NLGN1: variants seen among roughly 807,000 people sequenced by gnomAD.
NLGN1 encodes the protein neuroligin 1, also known as neuroligin-1.
NLGN1 carries 12 observed loss-of-function variants against 65.5 expected under a neutral mutation model. The ratio of observed to expected loss-of-function variants is 0.18; its 90% CI spans 0.12 to 0.30. The LOEUF (loss-of-function observed/expected upper bound fraction) is 0.30. NLGN1 is among the 10% of genes least tolerant of loss of function. NLGN1 has a pLI of 1.00. For synonymous variants in NLGN1, 350 were observed against 359.5 expected (o/e 0.97, Z 0.30); for missense variants, 750 against 1,007.1 (o/e 0.74, Z 3.46).
intron 4 of NLGN1, among the ~76,000 whole-genome samples, chr3:174,117,076 A>G (rs1309785063): frequency 1.3e-5 from 2 of 152,190 alleles, no homozygotes; most frequent in African/African-American, 4.8e-5. Flanking sequence ...GCACACTAAA[A>G]GTAAAAAAGG....
intron 4 of NLGN1, among the ~76,000 whole-genome samples, chr3:173,996,282 T>A (rs763810786): frequency 7.2e-5 from 11 of 152,174 alleles, no homozygotes; most frequent in Admixed American, 5.9e-4. Context: ...GTATATATAG[T>A]GCAAGGACAT....
chr3:173,420,577 C>T (rs971494529), intron 1 of NLGN1, among the ~76,000 whole-genome samples: 4 of 152,230 alleles, frequency 2.6e-5, no homozygotes, highest in Admixed American at 1.3e-4. Context: ...ATTTTATAAT[C>T]CTCTGGGTAT....
downstream of NLGN1, among the ~76,000 whole-genome samples, chr3:174,289,536 A>C (rs1313514162): frequency 6.6e-6 from 1 of 151,262 alleles, no homozygotes. Context: ...GAAAACTGGG[A>C]TAATTACTCT....
intron 2 of NLGN1, among the ~76,000 whole-genome samples, chr3:173,493,840 T>TAG (rs559000286): frequency 6.6e-5 from 10 of 150,424 alleles, no homozygotes; most frequent in South Asian, 4.2e-4. Flanking sequence ...TATATATATA[T>TAG]AGAGAGAGAG....
chr3:173,783,936 C>A lies in NLGN1; in HGVS notation c.494-23744C>A, dbSNP rs556209611. Among the ~76,000 whole-genome samples, 4 of 152,198 alleles carry A rather than the reference C, an allele frequency of 2.6e-5. No homozygotes were observed. The South Asian group carries it at 8.3e-4, about 32-fold the overall frequency. On this transcript the variant is annotated intron_variant, in intron 3 of 6. Coordinates refer to ENST00000457714, the Ensembl canonical transcript of NLGN1. ...TTGAAGAGATCTGTTTTATAATATT[C>A]TGGTAATGTTTCTTAAAGGTAGAAA...
chr3:174,124,550 TATATATACGTATATATACGTATACAC>T (rs1406350814), intron 4 of NLGN1, among the ~76,000 whole-genome samples: 14 of 147,346 alleles, frequency 9.5e-5, no homozygotes, highest in East Asian at 6.0e-4. Flanking sequence ...CATATACTTA[TATATATACGTATATATACGTATACAC>T]ATATATACGT....
At chr3:174,184,366 AAAT>A (rs1308699693) in intron 4 of NLGN1, among the ~76,000 whole-genome samples, 6 of 152,148 alleles carry the variant, frequency 3.9e-5, no homozygotes, top group Non-Finnish European at 7.3e-5. Context: ...TACTCATTAT[AAAT>A]AATAATGTCA....
intron 4 of NLGN1, among the ~76,000 whole-genome samples, chr3:174,027,065 T>TAA (rs758185612): frequency 4.9e-5 from 6 of 122,898 alleles, no homozygotes; most frequent in Non-Finnish European, 8.4e-5. Flanking sequence ...TTCAATTTTT[T>TAA]TAAAAAAAAA....
At chr3:173,642,629 A>G (rs1207060317) in intron 3 of NLGN1, among the ~76,000 whole-genome samples, 1 of 152,192 alleles carries the variant, frequency 6.6e-6, no homozygotes, top group Non-Finnish European at 1.5e-5. Context: ...GAAAGTAATT[A>G]ACCCTAGATC....
chr3:173,461,361 AT>A lies in NLGN1; in HGVS notation c.-321+26293del, dbSNP rs370589393. ...AGTTCTCCCAGACCCATTTGTTTTT[AT>A]TTTTTTTTTGTTCTTGCATTAATCA... On this transcript the variant is annotated intron_variant, in intron 2 of 6. Transcript: ENST00000457714. Among the ~76,000 whole-genome samples, 1,237 of 149,344 alleles carry A rather than the reference AT, an allele frequency of 8.3e-3. 15 individuals are homozygous for A. Among genetic ancestry groups the A allele is most frequent in the African/African-American group, 0.028 (1,132 of 40,760 alleles).
At chr3:173,935,637 C>G (rs992917820) in intron 4 of NLGN1, among the ~76,000 whole-genome samples, 1 of 138,664 alleles carries the variant, frequency 7.2e-6, no homozygotes, top group African/African-American at 2.9e-5. Flanking sequence ...CTCTCTCTCT[C>G]TCTCTCTCTC....
At chr3:173,565,236 A>G (rs1172101424) in intron 2 of NLGN1, among the ~76,000 whole-genome samples, 2 of 152,226 alleles carry the variant, frequency 1.3e-5, no homozygotes, top group East Asian at 3.8e-4. Context: ...AGTTCCAGGC[A>G]CCTTGAATAG....
rs549836762 is a variant in NLGN1 at position 173,440,808 on chromosome 3, A to G, written c.-321+5730A>G. Among the ~76,000 whole-genome samples the G allele has an allele frequency of 1.5e-3, 224 of 152,316 alleles. 1 individual carries two copies. Among genetic ancestry groups the G allele is most frequent in the Admixed American group, 2.2e-3 (34 of 15,290 alleles). On this transcript the variant is annotated intron_variant, in intron 2 of 6. Transcript: ENST00000457714. ...GATAAATGACCAGTGGTTTCAATAT[A>G]AAGTCTCTAGCTGCATTAGCCCCTA... is the stretch of plus-strand genomic sequence containing the variant.
chr3:173,852,170 C>G (rs575636594), intron 4 of NLGN1, among the ~76,000 whole-genome samples: 2 of 151,098 alleles, frequency 1.3e-5, no homozygotes, highest in African/African-American at 4.9e-5. Flanking sequence ...TCCTGGCTAA[C>G]ACGGTGAAAC....
intron 4 of NLGN1, among the ~76,000 whole-genome samples, chr3:174,192,146 A>G (rs1036566646): frequency 6.6e-6 from 1 of 152,136 alleles, no homozygotes; most frequent in Non-Finnish European, 1.5e-5. Flanking sequence ...TGTTTTTGAT[A>G]GTGTTAAAAG....
chr3:173,539,641 T>TGTACATATGC (rs1165764509), intron 2 of NLGN1, among the ~76,000 whole-genome samples: 1 of 58,270 alleles, frequency 1.7e-5, no homozygotes, highest in East Asian at 2.0e-3. Flanking sequence ...TACACATATA[T>TGTACATATGC]ACATATATAA....
chr3:174,166,180 G>A (rs1727458836), intron 4 of NLGN1, among the ~76,000 whole-genome samples: 1 of 151,738 alleles, frequency 6.6e-6, no homozygotes, highest in Admixed American at 6.6e-5. Flanking sequence ...AGATTTTGAG[G>A]TCTCAATTTC....
intron 4 of NLGN1, among the ~76,000 whole-genome samples, chr3:173,898,581 A>G (rs776903415): frequency 3.3e-5 from 5 of 152,216 alleles, no homozygotes; most frequent in East Asian, 1.9e-4. Flanking sequence ...CACAACTTCT[A>G]TAACAATGTA....
intron 3 of NLGN1, among the ~76,000 whole-genome samples, chr3:173,760,640 T>C (rs1221940611): frequency 6.6e-6 from 1 of 152,014 alleles, no homozygotes; most frequent in Non-Finnish European, 1.5e-5. Context: ...CTCAGTCTAA[T>C]TTAGTTTTAT....
Sources: allele counts gnomAD v4.1 joint callset (sites outside exome capture counted in the v4.1 genomes callset), GRCh38; gene constraint gnomAD v4.1.1; transcripts MANE v1.5; gene names NCBI Gene and HGNC (gene_info 2026-07-23, HGNC 2026-07-21).